ITPKB: variants seen among roughly 807,000 people sequenced by gnomAD.
ITPKB encodes the protein IP3 3-kinase B.
ITPKB carries 13 observed loss-of-function variants against 69.4 expected under a neutral mutation model. The observed-to-expected ratio is 0.19, with a 90% CI of 0.12 to 0.30. The LOEUF is 0.30. ITPKB is among the 10% of genes least tolerant of loss of function. The pLI, the probability that ITPKB is intolerant of heterozygous loss-of-function variation, is 1.00. For synonymous variants in ITPKB, 584 were observed against 513.7 expected, an observed-to-expected ratio of 1.14 and a Z score of -1.85; for missense variants, 1,240 against 1,250.5, an observed-to-expected ratio of 0.99 and a Z score of 0.13.
At chr1:226,725,744 C>A (rs1254660193) in intron 2 of ITPKB, among the ~76,000 whole-genome samples, 3 of 152,108 alleles carry the variant, frequency 2.0e-5, no homozygotes, top group Admixed American at 2.0e-4. Flanking sequence ...AAACCACAGC[C>A]GGAGGAGGCT....
intron 2 of ITPKB, among the ~76,000 whole-genome samples, chr1:226,677,801 T>C (rs994654351): frequency 6.6e-6 from 1 of 152,198 alleles, no homozygotes; most frequent in Non-Finnish European, 1.5e-5. Context: ...ATTACATACA[T>C]CACAGGGCGT....
chr1:226,736,980 G>T lies in ITPKB; in HGVS notation c.479C>A (p.Ala160Asp). The stretch of plus-strand genomic sequence containing the variant: ...ACGCGGGCTGCGGGGCGCTTGAATG[G>T]CGGAGCTCTGTGCCTGGATGTGCGC... ...FEAHIQAQSS[A>D]IQAPRSPRLG... Residue 160 changes from alanine to aspartate, a missense_variant, in exon 2 of 8, where the codon GCC becomes GAC. By Grantham distance (126) the Ala-to-Asp change is moderately radical. This residue lies in a region of ITPKB where 992 missense variants were observed against 853.8 expected (regional missense o/e 1.16). Coordinates refer to ENST00000429204, the MANE Select transcript of ITPKB (RefSeq NM_002221.4). 1 of 1,612,552 alleles carries T rather than the reference G, an allele frequency of 6.2e-7. No homozygotes were observed. Among genetic ancestry groups the T allele is most frequent in the Non-Finnish European group, 8.5e-7 (1 of 1,179,936 alleles).
At chr1:226,731,822 A>G (rs1657596384) in intron 2 of ITPKB, among the ~76,000 whole-genome samples, 1 of 152,192 alleles carries the variant, frequency 6.6e-6, no homozygotes, top group South Asian at 2.1e-4. Flanking sequence ...CCCCATCTTC[A>G]GAAAACAGCA....
chr1:226,711,320 T>C (rs1245492986), intron 2 of ITPKB, among the ~76,000 whole-genome samples: 3 of 152,024 alleles, frequency 2.0e-5, no homozygotes, highest in Non-Finnish European at 4.4e-5. Flanking sequence ...CGATATCCTC[T>C]TGAGATGTTG....
rs1558300667 is a variant in ITPKB at position 226,643,347 on chromosome 1, C to T, written c.2247-1222G>A. ...CTCCTCTGCTCTCCTTTTAGAGCCCCAGTCTCCCTACACAACAGGCTCAGA... is the reference window on the plus strand; with the variant it reads ...CTCCTCTGCTCTCCTTTTAGAGCCCTAGTCTCCCTACACAACAGGCTCAGA... On this transcript the variant is annotated intron_variant, in intron 4 of 7. Coordinates refer to ENST00000429204, the MANE Select transcript of ITPKB (RefSeq NM_002221.4). Among the ~76,000 whole-genome samples, 3 of 152,358 alleles carry T rather than the reference C, an allele frequency of 2.0e-5. No individual in the cohort carries two copies. In the South Asian group the frequency reaches 6.2e-4, roughly 32 times the overall value.
chr1:226,708,840 T>C (rs887900780), intron 2 of ITPKB, among the ~76,000 whole-genome samples: 3 of 152,268 alleles, frequency 2.0e-5, no homozygotes, highest in African/African-American at 7.2e-5. Context: ...TGACAGCATC[T>C]TAACTCGTGA....
chr1:226,703,107 A>G lies in ITPKB; in HGVS notation c.1932+32420T>C, dbSNP rs1656706844. ...TTTGCCTGCCAAGGGCTAAGTGTGT[A>G]TGCTGAAGCGAAAGAAAGTGATTAT... On this transcript the variant is annotated intron_variant, in intron 2 of 7. Transcript: ENST00000429204. 5.9e-5 allele frequency among the ~76,000 whole-genome samples: 9 copies of G among 152,326 alleles called. No homozygotes were observed. In the South Asian group the frequency reaches 1.9e-3, roughly 32 times the overall value.
At chr1:226,723,053 C>T (rs916719272) in intron 2 of ITPKB, among the ~76,000 whole-genome samples, 4 of 151,972 alleles carry the variant, frequency 2.6e-5, no homozygotes, top group Admixed American at 1.3e-4. Context: ...GCTGTGGTGA[C>T]GCCAGTCCGT....
At chr1:226,659,406 C>T (rs907375100) in intron 2 of ITPKB, among the ~76,000 whole-genome samples, 1 of 152,064 alleles carries the variant, frequency 6.6e-6, no homozygotes, top group Non-Finnish European at 1.5e-5. Flanking sequence ...CAGATACGGC[C>T]CCACACTCAC....
chr1:226,647,321 G>A lies in ITPKB; in HGVS notation c.2092C>T (p.Arg698Cys), dbSNP rs750492550. 7 of 1,614,150 alleles carry A rather than the reference G, an allele frequency of 4.3e-6. No homozygotes were observed. Among genetic ancestry groups the A allele is most frequent in the South Asian group, 2.2e-5 (2 of 91,080 alleles). ...ILKKHCESEQ[R>C]CLDRLMVDVL... ...TCCACCATCAGCCGGTCCAGGCAGC[G>A]CTGCTCTGACTCACAGTGCTTCTTC... The change falls in exon 4 of 8, where the codon CGC (arginine) becomes TGC (cysteine). Residue 698 changes from arginine to cysteine, a missense_variant. Physicochemically the swap from Arg to Cys is radical, Grantham distance 180 (BLOSUM62 -3). Transcript: ENST00000429204.
intron 2 of ITPKB, among the ~76,000 whole-genome samples, chr1:226,649,430 TGC>T (rs201945455): frequency 6.1e-4 from 79 of 129,390 alleles, no homozygotes; most frequent in African/African-American, 2.2e-3. Flanking sequence ...CATGAGTGTG[TGC>T]GTATGTGTGC....
chr1:226,714,961 C>T (rs1284291890), intron 2 of ITPKB, among the ~76,000 whole-genome samples: 2 of 152,204 alleles, frequency 1.3e-5, no homozygotes, highest in Non-Finnish European at 2.9e-5. Context: ...AGAGATACTG[C>T]TAAACATCCT....
intron 2 of ITPKB, among the ~76,000 whole-genome samples, chr1:226,709,051 A>C (rs1321089260): frequency 6.6e-6 from 1 of 152,196 alleles, no homozygotes; most frequent in Non-Finnish European, 1.5e-5. Flanking sequence ...AGTGGGCAGC[A>C]GAGCCCCAGA....
Position 226,735,521 on chromosome 1 carries a change from A to G in ITPKB, c.1932+6T>C. ...AGTTCTGGGCAAATCTCAGAGCAAGACTTACCACTCTAGGTTTCTGCTGGT... is the reference window on the plus strand; with the variant it reads ...AGTTCTGGGCAAATCTCAGAGCAAGGCTTACCACTCTAGGTTTCTGCTGGT... On this transcript the variant is annotated splice_donor_region_variant and intron_variant, in intron 2 of 7. Coordinates refer to ENST00000429204, the MANE Select transcript of ITPKB (RefSeq NM_002221.4). 6.6e-7 allele frequency: 1 copy of G among 1,506,324 alleles called. No individual in the cohort carries two copies. Among genetic ancestry groups the G allele is most frequent in the Non-Finnish European group, 8.9e-7 (1 of 1,125,968 alleles). 93.3% of individuals were successfully genotyped at this position (1,506,324 alleles called of 1,614,324 possible).
Position 226,738,845 on chromosome 1 carries a change from A to C in ITPKB, c.-206+196T>G, listed in dbSNP as rs953750007. On this transcript the variant is annotated intron_variant, in intron 1 of 7. Coordinates refer to ENST00000429204, the MANE Select transcript of ITPKB (RefSeq NM_002221.4). The surrounding 1 kb of genome is among the most constrained non-coding windows in gnomAD (Gnocchi z 4.2). ...CGGAAGGCGGGTAGGAGAAATGCGGAGACCTCGTCTCTCCCTATTTTCTCC... is the reference window on the plus strand; with the variant it reads ...CGGAAGGCGGGTAGGAGAAATGCGGCGACCTCGTCTCTCCCTATTTTCTCC... 7.2e-5 allele frequency among the ~76,000 whole-genome samples: 11 copies of C among 152,126 alleles called. No homozygotes were observed. Among genetic ancestry groups the C allele is most frequent in the African/African-American group, 2.7e-4 (11 of 41,430 alleles).
intron 2 of ITPKB, among the ~76,000 whole-genome samples, chr1:226,669,933 G>A (rs1431630846): frequency 1.3e-5 from 2 of 150,714 alleles, no homozygotes; most frequent in Admixed American, 1.3e-4. Context: ...GAGTGCAGCT[G>A]CACAATCCCA....
At chr1:226,724,037 G>A (rs1472181320) in intron 2 of ITPKB, among the ~76,000 whole-genome samples, 1 of 152,094 alleles carries the variant, frequency 6.6e-6, no homozygotes, top group Non-Finnish European at 1.5e-5. Flanking sequence ...ACTGGTGGAG[G>A]GGTGTCCTCT....
In ITPKB at chr1:226,738,238, C is replaced by T. The variant is rs1260328133; in HGVS notation, c.-205-575G>A. Among the ~76,000 whole-genome samples, 1 of 152,236 alleles carries T rather than the reference C, an allele frequency of 6.6e-6. No individual in the cohort carries two copies. Among genetic ancestry groups the T allele is most frequent in the Non-Finnish European group, 1.5e-5 (1 of 68,026 alleles). On this transcript the variant is annotated intron_variant, in intron 1 of 7. Transcript: ENST00000429204. The surrounding 1 kb of genome is among the most constrained non-coding windows in gnomAD (Gnocchi z 4.2). ...CGGATCTGGGAGGGCGCCCGCGTGC[C>T]CGCCGTTTACCTTCCTGACCCTAGC...
intron 2 of ITPKB, among the ~76,000 whole-genome samples, chr1:226,725,865 C>T (rs1047324521): frequency 1.9e-4 from 29 of 152,250 alleles, no homozygotes; most frequent in African/African-American, 6.8e-4. Flanking sequence ...CCAACCCGAC[C>T]TCACTGCTCC....
Sources: gnomAD v4.1 joint callset for allele counts (sites outside exome capture counted in the v4.1 genomes callset) on GRCh38, gnomAD v4.1.1 for gene constraint, gnomAD v4.1.1 regional missense constraint, Gnocchi (gnomAD v3.1) non-coding constraint, MANE v1.5 for transcripts, NCBI Gene and HGNC (gene_info 2026-07-23, HGNC 2026-07-21) for gene names.